The following PCLO variants were observed in gnomAD, a reference collection of about 807,000 sequenced individuals.
PCLO encodes piccolo presynaptic cytomatrix protein.
Under a neutral mutation model 427.5 loss-of-function variants are expected in PCLO, and 82 were observed. The ratio of observed to expected loss-of-function variants is 0.19; its 90% confidence interval spans 0.16 to 0.23. PCLO has a LOEUF of 0.23. PCLO is among the 10% of genes least tolerant of loss of function. The probability of loss-of-function intolerance (pLI) is 1.00; values close to 1 mark genes in which losing one functional copy is unlikely to be tolerated. For missense variants in PCLO, 6,239 were observed against 6,115.9 expected, an observed-to-expected ratio of 1.02 and a Z score of -0.67; for synonymous variants, 2,357 against 2,155.4, an observed-to-expected ratio of 1.09 and a Z score of -2.59.
chr7:82,762,299 C>T (rs750196374), intron 22 of PCLO, among the ~76,000 whole-genome samples: 8 of 151,864 alleles, frequency 5.3e-5, no homozygotes, highest in East Asian at 1.9e-4. Flanking sequence ...TTAGGTGAGA[C>T]GGATTAGGAA....
intron 20 of PCLO, chr7:82,820,354 A>G (rs1414786368): frequency 4.4e-6 from 1 of 227,734 alleles, no homozygotes; most frequent in Non-Finnish European, 7.5e-6. Context: ...ATGTCCAATC[A>G]TTACAGCTGT....
intron 3 of PCLO, among the ~76,000 whole-genome samples, chr7:83,022,848 T>C (rs185741287): frequency 2.0e-5 from 3 of 152,292 alleles, no homozygotes; most frequent in African/African-American, 7.2e-5. Context: ...AGCCTGAATA[T>C]ATAGGATAAA....
chr7:83,118,098 C>G (rs1313204919), intron 3 of PCLO, among the ~76,000 whole-genome samples: 1 of 152,098 alleles, frequency 6.6e-6, no homozygotes, highest in Non-Finnish European at 1.5e-5. Context: ...TGGTGACAAG[C>G]AGCTATGCAT....
In PCLO at chr7:83,134,908, G is replaced by A. The variant is rs745329573; in HGVS notation, c.2642C>T (p.Pro881Leu). 6.9e-6 allele frequency: 11 copies of A among 1,602,374 alleles called. No homozygotes were observed. In the East Asian group the frequency reaches 2.5e-4, roughly 36 times the overall value. The change falls in exon 3 of 25, where the codon CCA (proline) becomes CTA (leucine). Residue 881 changes from proline (P) to leucine (L), a missense_variant. Transcript: ENST00000333891. ...GACAGTTTGGCCAGCGGTAGGTCGT[G>A]GGCCAGGGGGTGTTGGTGACCCTTT... is the stretch of plus-strand genomic sequence containing the variant. Reference protein sequence around the residue: ...MPKGSPTPPGPRPTAGQTVPT... With the variant: ...MPKGSPTPPGLRPTAGQTVPT...
chr7:82,904,337 T>C (rs540365397), intron 8 of PCLO, among the ~76,000 whole-genome samples: 3 of 151,818 alleles, frequency 2.0e-5, no homozygotes, highest in Non-Finnish European at 4.4e-5. Flanking sequence ...TGTTACTTTT[T>C]GCCCTCCCCA....
intron 6 of PCLO, among the ~76,000 whole-genome samples, chr7:82,926,161 G>A (rs990633561): frequency 3.3e-5 from 5 of 152,162 alleles, no homozygotes; most frequent in African/African-American, 1.2e-4. Context: ...AGGGCACAGT[G>A]TTTTGCATGT....
At chr7:82,971,940 C>G (rs985414659) in intron 3 of PCLO, among the ~76,000 whole-genome samples, 5 of 151,420 alleles carry the variant, frequency 3.3e-5, no homozygotes, top group Admixed American at 6.6e-5. Context: ...TAAGTATCAT[C>G]TAATGGTATA....
chr7:82,904,730 C>T (rs367909591), intron 8 of PCLO, among the ~76,000 whole-genome samples: 1 of 151,908 alleles, frequency 6.6e-6, no homozygotes, highest in African/African-American at 2.4e-5. Flanking sequence ...ATCAGGCTTC[C>T]TAATTTTTTC....
chr7:82,886,940 G>A (rs1793641190), intron 9 of PCLO, among the ~76,000 whole-genome samples: 1 of 152,080 alleles, frequency 6.6e-6, no homozygotes, highest in African/African-American at 2.4e-5. Context: ...ACATGACTTT[G>A]AACAGATGGA....
chr7:83,024,012 C>G (rs901637778), intron 3 of PCLO, among the ~76,000 whole-genome samples: 3 of 152,170 alleles, frequency 2.0e-5, no homozygotes, highest in African/African-American at 7.2e-5. Flanking sequence ...ACTCAGTGAT[C>G]ATTTATTGCT....
intron 3 of PCLO, among the ~76,000 whole-genome samples, chr7:82,987,844 ATTG>A (rs1234735895): frequency 1.3e-5 from 2 of 152,118 alleles, no homozygotes; most frequent in African/African-American, 4.8e-5. Context: ...CACAAATAGA[ATTG>A]TTCTTAGTTA....
At chr7:82,820,668 A>T (rs1039775025) in intron 20 of PCLO, 1 of 1,230,816 alleles carries the variant, frequency 8.1e-7, no homozygotes, top group Non-Finnish European at 1.0e-6. Context: ...TCCTCTAAGA[A>T]TTTTCAAAAT....
intron 3 of PCLO, among the ~76,000 whole-genome samples, chr7:82,972,472 T>G (rs1270412094): frequency 6.6e-6 from 1 of 152,048 alleles, no homozygotes; most frequent in Non-Finnish European, 1.5e-5. Context: ...TTGCAGCAGG[T>G]TGAACAGGTT....
At chr7:82,874,184 T>TAA (rs397817319) in intron 10 of PCLO, among the ~76,000 whole-genome samples, 1 of 151,924 alleles carries the variant, frequency 6.6e-6, no homozygotes, top group African/African-American at 2.4e-5. Flanking sequence ...TTTTTTTTTT[T>TAA]AAATCACTTA....
chr7:82,815,995 TTTGAAAATTCATG>T (rs1237988516), intron 20 of PCLO, among the ~76,000 whole-genome samples: 1 of 152,118 alleles, frequency 6.6e-6, no homozygotes, highest in Non-Finnish European at 1.5e-5. Context: ...TTTGGTTTCA[TTTGAAAATTCATG>T]TGTTTTTGGC....
intron 3 of PCLO, among the ~76,000 whole-genome samples, chr7:83,028,839 G>C (rs934506256): frequency 1.6e-4 from 24 of 151,574 alleles, no homozygotes; most frequent in Non-Finnish European, 2.5e-4. Flanking sequence ...ACAAACCTGA[G>C]AAAAACAAGC....
chr7:83,086,026 T>A (rs141452446), intron 3 of PCLO, among the ~76,000 whole-genome samples: 180 of 152,302 alleles, frequency 1.2e-3, no homozygotes, highest in Non-Finnish European at 2.2e-3. Context: ...CAACATGGTT[T>A]CAACTAATGA....
chr7:83,105,643 C>T (rs1790835500), intron 3 of PCLO, among the ~76,000 whole-genome samples: 1 of 152,156 alleles, frequency 6.6e-6, no homozygotes, highest in South Asian at 2.1e-4. Context: ...ATCACAGCAA[C>T]AGCCACTGGA....
chr7:82,819,899 G>C (rs901073660), intron 20 of PCLO, among the ~76,000 whole-genome samples: 3 of 152,098 alleles, frequency 2.0e-5, no homozygotes, highest in African/African-American at 7.2e-5. Context: ...AGGTACTTAA[G>C]GGGGCAAATA....
Sources: allele counts gnomAD v4.1 joint callset (sites outside exome capture counted in the v4.1 genomes callset), GRCh38; gene constraint gnomAD v4.1.1; transcripts MANE v1.5; gene names NCBI Gene and HGNC (gene_info 2026-07-23, HGNC 2026-07-21).